Variants in PBX1 observed in about 807,000 individuals in gnomAD.
The protein encoded by PBX1 is PBX homeobox 1.
A neutral mutation model predicts 53.4 loss-of-function variants in PBX1; 6 were observed. The ratio of observed to expected loss-of-function variants is 0.11; its 90% CI spans 0.06 to 0.22. The LOEUF (loss-of-function observed/expected upper bound fraction) is 0.22. PBX1 is among the 10% of genes least tolerant of loss of function. The probability of loss-of-function intolerance (pLI) is 1.00; values close to 1 mark genes in which losing one functional copy is unlikely to be tolerated. For synonymous variants in PBX1, 204 were observed against 212.3 expected (o/e 0.96, Z 0.34); for missense variants, 251 against 551.4 (o/e 0.46, Z 5.46).
intron 2 of PBX1, among the ~76,000 whole-genome samples, chr1:164,666,490 AAAT>A (rs1660814099): frequency 1.3e-5 from 2 of 152,254 alleles, no homozygotes; most frequent in Non-Finnish European, 2.9e-5. Flanking sequence ...AAGAAAAATG[AAAT>A]AATGATAGCT....
intron 2 of PBX1, among the ~76,000 whole-genome samples, chr1:164,741,597 C>G (rs1665604527): frequency 6.6e-6 from 1 of 152,118 alleles, no homozygotes; most frequent in African/African-American, 2.4e-5. Flanking sequence ...CCTTTTGTTT[C>G]TTTCTTTTTC....
intron 3 of PBX1, among the ~76,000 whole-genome samples, chr1:164,793,458 A>G (rs1178206512): frequency 6.6e-6 from 1 of 152,172 alleles, no homozygotes; most frequent in African/African-American, 2.4e-5. Context: ...TATGGCACAG[A>G]TCTGTGGATT....
rs538131769 is a variant in PBX1 at position 164,810,807 on chromosome 1, T to C, written c.838-1183T>C. Among the ~76,000 whole-genome samples, 9 of 152,320 alleles carry C rather than the reference T, an allele frequency of 5.9e-5. No individual in the cohort carries two copies. The South Asian group carries it at 1.9e-3, about 32-fold the overall frequency. ...CAGTGTTTACAATAAATAAAGCATT[T>C]TCTTATTGAATTTTTTTCTTTTTTG... On this transcript the variant is annotated intron_variant, in intron 5 of 8. Transcript: ENST00000420696.
chr1:164,737,154 G>A (rs930999272), intron 2 of PBX1, among the ~76,000 whole-genome samples: 5 of 152,098 alleles, frequency 3.3e-5, no homozygotes, highest in African/African-American at 4.8e-5. Context: ...ACCTGATGGC[G>A]GAACTCCACC....
At chr1:164,676,136 C>G (rs1438549393) in intron 2 of PBX1, among the ~76,000 whole-genome samples, 1 of 152,114 alleles carries the variant, frequency 6.6e-6, no homozygotes. Context: ...AGGCATTTTG[C>G]GTTCTTTGTG....
At position 164,687,019 on chromosome 1, in the gene PBX1, G is replaced by A. The variant is rs151007825; in HGVS notation, c.266-105475G>A. 5.7e-4 allele frequency among the ~76,000 whole-genome samples: 86 copies of A among 152,146 alleles called. 1 individual carries two copies. The highest frequency in any genetic ancestry group is 2.0e-3 in the African/African-American group (84 of 41,512). On this transcript the variant is annotated intron_variant, in intron 2 of 8. Coordinates refer to ENST00000420696, the MANE Select transcript of PBX1 (RefSeq NM_002585.4). ...CAAATGAGTGATGCATTGACCTTTC[G>A]TAATTCTTGGATGCAAAAGTAGAAC...
rs12023166 is a variant in PBX1, at chr1:164,594,213, A to C, written c.265+30902A>C. ...AACTTGCTGTAGGAAGATCACGCAG[A>C]AGCACAAGATGAAACACAGAATGCT... On this transcript the variant is annotated intron_variant, in intron 2 of 8. Transcript: ENST00000420696. Among the ~76,000 whole-genome samples, 49 of 152,220 alleles carry C rather than the reference A, an allele frequency of 3.2e-4. 1 individual carries two copies. In the East Asian group the frequency reaches 8.3e-3, roughly 26 times the overall value.
intron 8 of PBX1, among the ~76,000 whole-genome samples, chr1:164,838,415 A>G (rs1393036065): frequency 1.3e-5 from 2 of 152,164 alleles, no homozygotes; most frequent in South Asian, 4.1e-4. Context: ...AGCAGGAGAT[A>G]TTAGAATCCT....
At chr1:164,801,585 T>G (rs1669076584) in intron 4 of PBX1, among the ~76,000 whole-genome samples, 1 of 152,092 alleles carries the variant, frequency 6.6e-6, no homozygotes, top group African/African-American at 2.4e-5. Context: ...CAGCTGAAGG[T>G]CAGACTTTAA....
In PBX1 at chr1:164,872,296, G is replaced by A. The variant is rs536616532; in HGVS notation, n.258-26892G>A. Among the ~76,000 whole-genome samples, 177 of 152,258 alleles carry A rather than the reference G, an allele frequency of 1.2e-3. 1 individual carries two copies. Among genetic ancestry groups the A allele is most frequent in the African/African-American group, 3.9e-3 (160 of 41,548 alleles). On this transcript the variant is annotated intron_variant and non_coding_transcript_variant, in intron 2 of 2. Coordinates refer to the PBX1 transcript ENST00000558796. The stretch of plus-strand genomic sequence containing the variant: ...GTGCGGACAGCATTCATGGTTAGAG[G>A]CATCATCTTTATATATTGTATAGCA...
At chr1:164,623,364 G>T (rs1657819969) in intron 2 of PBX1, among the ~76,000 whole-genome samples, 1 of 152,206 alleles carries the variant, frequency 6.6e-6, no homozygotes, top group African/African-American at 2.4e-5. Context: ...TGGGAATGGG[G>T]GAGATGGGCA....
intron 2 of PBX1, among the ~76,000 whole-genome samples, chr1:164,571,969 C>T (rs527426657): frequency 3.6e-4 from 46 of 128,988 alleles, no homozygotes; most frequent in African/African-American, 1.3e-3. Flanking sequence ...TGCAGTAGTG[C>T]GATCTTGGCT....
intron 2 of PBX1, among the ~76,000 whole-genome samples, chr1:164,673,165 G>A (rs1661207274): frequency 6.6e-6 from 1 of 152,058 alleles, no homozygotes. Context: ...ATATATAAAT[G>A]CCATGAAAAT....
At chr1:164,587,502 T>C (rs908567294) in intron 2 of PBX1, among the ~76,000 whole-genome samples, 7 of 152,170 alleles carry the variant, frequency 4.6e-5, no homozygotes, top group Admixed American at 6.5e-5. Context: ...CAGCACTTTA[T>C]CTGCCTCTTT....
chr1:164,774,411 A>G (rs1245644310), intron 2 of PBX1: 2 of 152,156 alleles, frequency 1.3e-5, no homozygotes, highest in Non-Finnish European at 2.9e-5. Context: ...TGAGGATACA[A>G]TTCTTAAAAT....
Position 164,648,121 on chromosome 1 carries a change from A to G in PBX1, c.265+84810A>G, listed in dbSNP as rs550878510. Among the ~76,000 whole-genome samples, 9 of 152,132 alleles carry G rather than the reference A, an allele frequency of 5.9e-5. No individual in the cohort carries two copies. In the East Asian group the frequency reaches 1.7e-3, roughly 29 times the overall value. On this transcript the variant is annotated intron_variant, in intron 2 of 8. Transcript: ENST00000420696. ...TGAGCCACCGTGCCCAGCCCACCCCAGCTTTTGTGTTATGCACTGGGGTTG... is the reference window on the plus strand; with the variant it reads ...TGAGCCACCGTGCCCAGCCCACCCCGGCTTTTGTGTTATGCACTGGGGTTG...
chr1:164,862,187 T>C (rs553462234), intron 2 of PBX1, among the ~76,000 whole-genome samples: 2 of 152,276 alleles, frequency 1.3e-5, no homozygotes, highest in South Asian at 4.1e-4. Flanking sequence ...GTTGATAGTG[T>C]GAGGACCCAG....
chr1:164,801,182 C>T (rs3767372), intron 4 of PBX1, among the ~76,000 whole-genome samples: 31,931 of 152,070 alleles, frequency 0.21, 4,121 homozygotes, highest in East Asian at 0.3. Context: ...AAACGAAGGC[C>T]GTTTTCCCCA....
chr1:164,657,263 A>C (rs769800508), intron 2 of PBX1: 2 of 152,184 alleles, frequency 1.3e-5, no homozygotes, highest in Non-Finnish European at 2.9e-5. Context: ...GAACATTTTT[A>C]GGATGTAGAA....
Sources: gnomAD v4.1 joint callset for allele counts (sites outside exome capture counted in the v4.1 genomes callset) on GRCh38, gnomAD v4.1.1 for gene constraint, MANE v1.5 for transcripts, NCBI Gene and HGNC (gene_info 2026-07-23, HGNC 2026-07-21) for gene names.